Variants in SYT7 observed in about 807,000 individuals in gnomAD.
The protein encoded by SYT7 is synaptotagmin-7.
SYT7 carries 29 observed loss-of-function variants against 75.1 expected under a neutral mutation model. The ratio of observed to expected loss-of-function variants is 0.39; its 90% CI spans 0.29 to 0.53. SYT7 has a LOEUF of 0.53. SYT7 is among the 20% of genes least tolerant of loss of function. The pLI, the probability that SYT7 is intolerant of heterozygous loss-of-function variation, is 0.77. For missense variants in SYT7, 693 were observed against 953.2 expected (o/e 0.73, Z 3.59); for synonymous variants, 376 against 401.7 (o/e 0.94, Z 0.76).
At chr11:61,582,888 C>T (rs1354769734), upstream of SYT7, among the ~76,000 whole-genome samples, 1 of 152,194 alleles carries the variant, frequency 6.6e-6, no homozygotes, top group Non-Finnish European at 1.5e-5. Flanking sequence ...GCAACCTTGG[C>T]TCATTCCCCC....
chr11:61,549,207 G>C (rs1281171221), intron 3 of SYT7, among the ~76,000 whole-genome samples: 3 of 152,184 alleles, frequency 2.0e-5, no homozygotes, highest in Non-Finnish European at 4.4e-5. Context: ...ACCACTGCCA[G>C]ACTTGTCTCC....
chr11:61,551,471 G>T lies in SYT7; in HGVS notation c.136-8C>A. The T allele has an allele frequency of 6.2e-7, 1 of 1,613,538 alleles. No individual in the cohort carries two copies. ...ATTCTTGTAGCGTTTGCCCTGTGGAGATAGCACTAGGATCACTCCTGGGGA... is the reference window on the plus strand; with the variant it reads ...ATTCTTGTAGCGTTTGCCCTGTGGATATAGCACTAGGATCACTCCTGGGGA... On this transcript the variant is annotated splice_region_variant and splice_polypyrimidine_tract_variant and intron_variant, in intron 2 of 12. Transcript: ENST00000539008. This position sits in a 1 kb window ranked among gnomAD's most constrained non-coding sequence, Gnocchi z 5.3.
chr11:61,586,462 T>G, the SYT7 span, among the ~76,000 whole-genome samples: 4 of 152,188 alleles, frequency 2.6e-5, no homozygotes, highest in Middle Eastern at 3.2e-3. Flanking sequence ...ACTAGGTGAG[T>G]GACCCGGGGT....
intron 3 of SYT7, among the ~76,000 whole-genome samples, chr11:61,549,665 C>G (rs975242150): frequency 6.6e-6 from 1 of 152,206 alleles, no homozygotes; most frequent in African/African-American, 2.4e-5. Flanking sequence ...CAGACACACA[C>G]GGTGGCTTCT....
intron 1 of SYT7, among the ~76,000 whole-genome samples, chr11:61,561,289 G>T (rs1221963792): frequency 6.6e-6 from 1 of 152,214 alleles, no homozygotes; most frequent in Non-Finnish European, 1.5e-5. Flanking sequence ...TGGAAGGCAG[G>T]GTGAACCAGG....
chr11:61,554,941 C>A (rs2135338272), intron 2 of SYT7, among the ~76,000 whole-genome samples: 1 of 152,354 alleles, frequency 6.6e-6, no homozygotes. Context: ...GCCGCATGCT[C>A]CCAAGTCCTC....
intron 1 of SYT7, among the ~76,000 whole-genome samples, chr11:61,567,595 T>A (rs2063805772): frequency 6.6e-6 from 1 of 152,112 alleles, no homozygotes; most frequent in African/African-American, 2.4e-5. Flanking sequence ...TCGAGTTAGG[T>A]CCTCGGATGC....
rs1209911476 is a variant in SYT7 at position 61,518,599 on chromosome 11, C to T, written c.*28G>A. 2.3e-5 allele frequency: 35 copies of T among 1,494,364 alleles called. No individual in the cohort carries two copies. Among genetic ancestry groups the T allele is most frequent in the Non-Finnish European group, 2.9e-5 (32 of 1,109,406 alleles). 92.6% of individuals were successfully genotyped at this position (1,494,364 alleles called of 1,614,324 possible). A position where few individuals can be genotyped will look rare whatever the true frequency, so the allele number is the denominator to read the frequency against. On this transcript the variant is annotated 3_prime_UTR_variant, in exon 13 of 13. Transcript: ENST00000539008. ...AGGGCATGATGGGGACCTGGGCCCTCGGCCCCCTGGGCCTCCCTTGGCCCC... is the reference window on the plus strand; with the variant it reads ...AGGGCATGATGGGGACCTGGGCCCTTGGCCCCCTGGGCCTCCCTTGGCCCC...
At chr11:61,536,673 G>C (rs888709856) in intron 7 of SYT7, among the ~76,000 whole-genome samples, 6 of 152,192 alleles carry the variant, frequency 3.9e-5, no homozygotes, top group African/African-American at 1.4e-4. Flanking sequence ...ACTCTCTGGG[G>C]ACTTTCAGCC....
At position 61,541,148 on chromosome 11, in the gene SYT7, AG is replaced by A. The variant is rs934673177; in HGVS notation, c.941+1062del. 3.3e-5 allele frequency: 33 copies of A among 985,474 alleles called. No individual in the cohort carries two copies. The African/African-American group carries it at 5.8e-4, about 17-fold the overall frequency. 61.0% of individuals were successfully genotyped at this position (985,474 alleles called of 1,614,324 possible). ...CTCAGAGGAGAGACAGGATGCTCCG[AG>A]GAACTTGCTTGCCTTCAGAATCCCT... On this transcript the variant is annotated intron_variant, in intron 6 of 12. Transcript: ENST00000539008.
upstream of SYT7, among the ~76,000 whole-genome samples, chr11:61,583,077 A>G (rs2064316276): frequency 6.6e-6 from 1 of 151,974 alleles, no homozygotes; most frequent in African/African-American, 2.4e-5. Flanking sequence ...GAAAAAAAAA[A>G]TTAGCCCAGT....
In SYT7 at chr11:61,523,784, C is replaced by T; in HGVS notation, c.1756+43G>A. ...TCCGGTGTAAACCTTGTGTCACCAG[C>T]ACCTCCCCGGCCCGCCCATCCTCTG... On this transcript the variant is annotated intron_variant, in intron 11 of 12. Transcript: ENST00000539008. This position sits in a 1 kb window ranked among gnomAD's most constrained non-coding sequence, Gnocchi z 5.0. 2 of 1,585,604 alleles carry T rather than the reference C, an allele frequency of 1.3e-6. No homozygotes were observed. Among genetic ancestry groups the T allele is most frequent in the Non-Finnish European group, 1.7e-6 (2 of 1,155,048 alleles).
At chr11:61,520,078 A>G (rs1010294169) in intron 12 of SYT7, among the ~76,000 whole-genome samples, 1 of 131,610 alleles carries the variant, frequency 7.6e-6, no homozygotes, top group Admixed American at 7.0e-5. Flanking sequence ...CTGGTCTCAC[A>G]CTCCTGACCT....
At chr11:61,527,456 A>T (rs1187539124) in intron 9 of SYT7, among the ~76,000 whole-genome samples, 2 of 152,230 alleles carry the variant, frequency 1.3e-5, no homozygotes, top group Non-Finnish European at 2.9e-5. Flanking sequence ...CCTGGGCCAC[A>T]GCCTGTGCAC....
rs574400349 is a variant in SYT7 at position 61,546,329 on chromosome 11, C to T, written c.348-74G>A. The T allele has an allele frequency of 1.6e-3, 1,649 of 1,031,862 alleles. 4 individuals are homozygous for T. Among genetic ancestry groups the T allele is most frequent in the Middle Eastern group, 3.6e-3 (11 of 3,060 alleles). 63.9% of individuals were successfully genotyped at this position (1,031,862 alleles called of 1,614,324 possible). On this transcript the variant is annotated intron_variant, in intron 4 of 12. Transcript: ENST00000539008. This position sits in a 1 kb window ranked among gnomAD's most constrained non-coding sequence, Gnocchi z 7.6. ...GGTGGGGGAGAGAGGGCAGGCCATA[C>T]GTGGGGGTCGGGGGGTGGAAGAGGA...
At position 61,517,750 on chromosome 11, in the gene SYT7, T is replaced by C. The variant is rs1208486602; in HGVS notation, c.*877A>G. ...GGTGGAATGCTATGCACACAGTAGGTGCCTAAAAGGTGTGAGTCAGTGTTC... is the reference window on the plus strand; with the variant it reads ...GGTGGAATGCTATGCACACAGTAGGCGCCTAAAAGGTGTGAGTCAGTGTTC... On this transcript the variant is annotated 3_prime_UTR_variant, in exon 13 of 13. Coordinates refer to ENST00000539008, the MANE Select transcript of SYT7 (RefSeq NM_001365809.2). 2 of 387,510 alleles carry C rather than the reference T, an allele frequency of 5.2e-6. No homozygotes were observed. Among genetic ancestry groups the C allele is most frequent in the African/African-American group, 2.1e-5 (1 of 47,584 alleles). The allele number at this position is 387,510 out of a possible 1,614,324, so 24.0% of individuals were successfully genotyped here. A position where few individuals can be genotyped will look rare whatever the true frequency, so the allele number is the denominator to read the frequency against.
intron 3 of SYT7, 108 bp from the exon 4 acceptor site, chr11:61,547,416 G>C: frequency 2.2e-6 from 3 of 1,336,144 alleles, no homozygotes; most frequent in Non-Finnish European, 3.0e-6. Context: ...CGGGCACACA[G>C]TGGGCGGGGC....
Position 61,580,993 on chromosome 11 carries a change from C to CCCA in SYT7, c.-174_-173insTGG. 4.7e-6 allele frequency: 4 copies of CCCA among 844,160 alleles called. No homozygotes were observed. Among genetic ancestry groups the CCCA allele is most frequent in the Non-Finnish European group, 4.3e-6 (3 of 703,816 alleles). The allele number at this position is 844,160 out of a possible 1,614,324, so 52.3% of individuals were successfully genotyped here. On this transcript the variant is annotated 5_prime_UTR_variant, in exon 1 of 13. Coordinates refer to ENST00000539008, the MANE Select transcript of SYT7 (RefSeq NM_001365809.2). The surrounding 1 kb of genome is among the most constrained non-coding windows in gnomAD (Gnocchi z 6.1). Reference sequence around the variant, plus strand: ...CCGGGGAGCGGGGGCCGCCCGCCAGCCCTCCCGCCCGCCCGCGGAGCACGC... The same window carrying CCCA: ...CCGGGGAGCGGGGGCCGCCCGCCAGCCCACCTCCCGCCCGCCCGCGGAGCACGC...
intron 8 of SYT7, among the ~76,000 whole-genome samples, chr11:61,530,586 C>T (rs1367568127): frequency 6.6e-6 from 1 of 152,184 alleles, no homozygotes; most frequent in East Asian, 1.9e-4. Flanking sequence ...TGGGGCATAG[C>T]ATGGGTAGAC....
Sources: gnomAD v4.1 joint callset for allele counts (sites outside exome capture counted in the v4.1 genomes callset) on GRCh38, gnomAD v4.1.1 for gene constraint, Gnocchi (gnomAD v3.1) non-coding constraint, MANE v1.5 for transcripts, NCBI Gene and HGNC (gene_info 2026-07-23, HGNC 2026-07-21) for gene names.